PTPRM: variants seen among roughly 807,000 people sequenced by gnomAD.
The protein encoded by PTPRM is receptor-type tyrosine-protein phosphatase mu.
Under a neutral mutation model 186.7 loss-of-function variants are expected in PTPRM, and 47 were observed. The observed-to-expected ratio is 0.25, with a 90% CI of 0.20 to 0.32. The LOEUF is 0.32. Ranked by LOEUF, PTPRM falls within the 10% of genes least tolerant of loss-of-function variation. The pLI is 1.00. For synonymous variants in PTPRM, 668 were observed against 674.9 expected (o/e 0.99, Z 0.16); for missense variants, 1,494 against 1,865.0 (o/e 0.80, Z 3.66).
chr18:8,388,675 C>A (rs1313013222), intron 31 of PTPRM, among the ~76,000 whole-genome samples: 1 of 152,166 alleles, frequency 6.6e-6, no homozygotes, highest in African/African-American at 2.4e-5. Context: ...TAAAAAATCT[C>A]TGTTGGCCAG....
intron 19 of PTPRM, among the ~76,000 whole-genome samples, chr18:8,257,981 T>G (rs952844879): frequency 4.6e-5 from 7 of 152,314 alleles, no homozygotes; most frequent in African/African-American, 1.4e-4. Context: ...AGTGCAGGTT[T>G]TTTATTTGAT....
chr18:7,813,106 T>C (rs2044617714), intron 2 of PTPRM, among the ~76,000 whole-genome samples: 1 of 152,226 alleles, frequency 6.6e-6, no homozygotes. Flanking sequence ...TTCTAGAGGG[T>C]CTCTTTCTCT....
At chr18:8,220,328 G>A (rs1393201463) in intron 14 of PTPRM, among the ~76,000 whole-genome samples, 1 of 152,170 alleles carries the variant, frequency 6.6e-6, no homozygotes, top group Non-Finnish European at 1.5e-5. Flanking sequence ...TTTTGAGCAT[G>A]CAGACATTAC....
At chr18:7,992,419 A>T (rs2083313086) in intron 7 of PTPRM, among the ~76,000 whole-genome samples, 1 of 152,150 alleles carries the variant, frequency 6.6e-6, no homozygotes, top group Admixed American at 6.5e-5. Context: ...GAGGTTCAGA[A>T]GTACTTCCTT....
At chr18:7,709,585 C>CA (rs2040168973) in intron 1 of PTPRM, among the ~76,000 whole-genome samples, 2 of 151,088 alleles carry the variant, frequency 1.3e-5, no homozygotes, top group Admixed American at 6.6e-5. Flanking sequence ...AAATTGAAAC[C>CA]AAAAAAATAC....
intron 7 of PTPRM, among the ~76,000 whole-genome samples, chr18:8,041,998 G>A (rs891308019): frequency 6.6e-6 from 1 of 152,186 alleles, no homozygotes; most frequent in Admixed American, 6.5e-5. Context: ...AATGAAAGGG[G>A]TTATTATAAA....
chr18:8,114,816 T>A lies in PTPRM; in HGVS notation c.2156T>A (p.Val719Glu), dbSNP rs1163765560. The change falls in exon 13 of 33, where the codon GTG becomes GAG. Residue 719 changes from valine (V) to glutamate (E), a missense_variant. Around this residue, in one of 3 missense-constraint regions of PTPRM, gnomAD observed 1,107 missense variants for 1,350.2 expected, o/e 0.82. Coordinates refer to ENST00000580170, the MANE Select transcript of PTPRM (RefSeq NM_001105244.2). The part of the protein sequence containing the change: ...NGETKIDCVQ[V>E]ATKGAATPKP... Reference sequence around the variant, plus strand: ...GAAACCAAAATAGACTGTGTCCAAGTGGCCACAAAAGGTAGGTTGAAATTG... The same window carrying A: ...GAAACCAAAATAGACTGTGTCCAAGAGGCCACAAAAGGTAGGTTGAAATTG... 6.2e-7 allele frequency: 1 copy of A among 1,611,390 alleles called. No individual in the cohort carries two copies. Among genetic ancestry groups the A allele is most frequent in the Non-Finnish European group, 8.5e-7 (1 of 1,178,648 alleles).
At chr18:7,637,745 C>T (rs1236664289) in intron 1 of PTPRM, among the ~76,000 whole-genome samples, 1 of 152,156 alleles carries the variant, frequency 6.6e-6, no homozygotes, top group African/African-American at 2.4e-5. Flanking sequence ...TTGAAAGTTC[C>T]ACTGCAGTTT....
intron 2 of PTPRM, among the ~76,000 whole-genome samples, chr18:7,859,812 G>A (rs765898063): frequency 1.3e-5 from 2 of 152,136 alleles, no homozygotes; most frequent in Non-Finnish European, 2.9e-5. Flanking sequence ...GATCTGCTGT[G>A]CCTGTGAAAA....
chr18:7,846,700 C>A (rs1217509905), intron 2 of PTPRM, among the ~76,000 whole-genome samples: 2 of 152,314 alleles, frequency 1.3e-5, no homozygotes, highest in East Asian at 3.9e-4. Flanking sequence ...CCCTGGAGGG[C>A]ACTCACTAAA....
At chr18:8,344,025 G>A (rs925143302) in intron 23 of PTPRM, among the ~76,000 whole-genome samples, 41 of 152,202 alleles carry the variant, frequency 2.7e-4, no homozygotes, top group African/African-American at 7.2e-4. Flanking sequence ...TACCTTCTCC[G>A]TAGTAACTGT....
At chr18:7,952,591 A>G (rs145473992) in intron 6 of PTPRM, among the ~76,000 whole-genome samples, 3,255 of 151,918 alleles carry the variant, frequency 0.021, 45 homozygotes, top group African/African-American at 0.044. Flanking sequence ...AGCTACTCGG[A>G]AGGCTGAGGC....
At chr18:7,762,067 G>A (rs995289425) in intron 1 of PTPRM, among the ~76,000 whole-genome samples, 3 of 152,124 alleles carry the variant, frequency 2.0e-5, no homozygotes, top group African/African-American at 7.2e-5. Flanking sequence ...TCCAGGACTG[G>A]GGAGACAGAG....
chr18:8,090,300 G>C (rs952341250), intron 11 of PTPRM, among the ~76,000 whole-genome samples: 3 of 152,088 alleles, frequency 2.0e-5, no homozygotes, highest in African/African-American at 7.2e-5. Context: ...ATTTGTTTCT[G>C]ACCCACTTAA....
At chr18:7,705,612 TAGAC>T (rs1314192852) in intron 1 of PTPRM, among the ~76,000 whole-genome samples, 20 of 152,288 alleles carry the variant, frequency 1.3e-4, no homozygotes, top group East Asian at 3.9e-4. Context: ...GTATTGTTGA[TAGAC>T]AGAACCTGTC....
intron 1 of PTPRM, among the ~76,000 whole-genome samples, chr18:7,592,921 A>G (rs1308929808): frequency 6.6e-6 from 1 of 152,162 alleles, no homozygotes; most frequent in Non-Finnish European, 1.5e-5. Flanking sequence ...GGTTCTGTCC[A>G]TATCTGTGAG....
intron 23 of PTPRM, among the ~76,000 whole-genome samples, chr18:8,351,110 A>G (rs1405310763): frequency 6.6e-6 from 1 of 152,166 alleles, no homozygotes; most frequent in Non-Finnish European, 1.5e-5. Flanking sequence ...CTTCCTCCTT[A>G]TGCCTGCTTA....
At chr18:7,908,020 A>C (rs2050080536) in intron 4 of PTPRM, among the ~76,000 whole-genome samples, 1 of 151,960 alleles carries the variant, frequency 6.6e-6, no homozygotes, top group African/African-American at 2.4e-5. Context: ...TTCTCTATTA[A>C]ATATTGCTGC....
intron 13 of PTPRM, among the ~76,000 whole-genome samples, chr18:8,124,590 G>C (rs1276860056): frequency 6.6e-6 from 1 of 152,156 alleles, no homozygotes; most frequent in Non-Finnish European, 1.5e-5. Context: ...ACTCAGATGA[G>C]TGAAAAATTG....
Sources: gnomAD v4.1 joint callset for allele counts (sites outside exome capture counted in the v4.1 genomes callset) on GRCh38, gnomAD v4.1.1 for gene constraint, gnomAD v4.1.1 regional missense constraint, MANE v1.5 for transcripts, NCBI Gene and HGNC (gene_info 2026-07-23, HGNC 2026-07-21) for gene names.